FANCD2: variants seen among roughly 807,000 people sequenced by gnomAD.
The protein encoded by FANCD2 is FA complementation group D2.
In FANCD2, 131 loss-of-function variants were observed where a neutral mutation model predicts 192.3. That is an observed-to-expected ratio of 0.68 (90% CI 0.59 to 0.79). The LOEUF (loss-of-function observed/expected upper bound fraction) is 0.79. Among genes scored for constraint, FANCD2 ranks in the 30% least tolerant of loss-of-function variants. The probability of loss-of-function intolerance (pLI) is 0.00; values close to 1 mark genes in which losing one functional copy is unlikely to be tolerated. For missense variants in FANCD2, 1,508 were observed against 1,701.6 expected, an observed-to-expected ratio of 0.89 and a Z score of 2.00; for synonymous variants, 524 against 612.5, an observed-to-expected ratio of 0.86 and a Z score of 2.13.
chr3:10,034,707 T>A lies in FANCD2; in HGVS notation c.286T>A (p.Phe96Ile). 1 of 1,564,364 alleles carries A rather than the reference T, an allele frequency of 6.4e-7. No homozygotes were observed. Among genetic ancestry groups the A allele is most frequent in the East Asian group, 2.3e-5 (1 of 42,602 alleles). Residue 96 changes from phenylalanine (F) to isoleucine (I), a missense_variant, in exon 5 of 44, where the codon TTT (phenylalanine) becomes ATT (isoleucine). Around this residue, in one of 5 missense-constraint regions of FANCD2, gnomAD observed 435 missense variants for 421.9 expected, o/e 1.03. Coordinates refer to ENST00000675286, the MANE Select transcript of FANCD2 (RefSeq NM_001018115.3). Reference protein sequence around the residue: ...HPSYPKIIEEFVSGLESYIED... With the variant: ...HPSYPKIIEEIVSGLESYIED... ...AAATCTCCTTAAGATAATAGAAGAA[T>A]TTGTTAGTGGCCTGGAGTCTTACAT...
intron 30 of FANCD2, among the ~76,000 whole-genome samples, chr3:10,079,086 C>CA (rs906079528): frequency 8.6e-5 from 13 of 151,430 alleles, no homozygotes; most frequent in African/African-American, 2.7e-4. Flanking sequence ...ACTAAAAATA[C>CA]AAAAAAAATT....
rs568515612 is a variant in FANCD2, at chr3:10,090,359, C to A, written c.3751C>A (p.Pro1251Thr). The A allele has an allele frequency of 1.2e-6, 2 of 1,611,404 alleles. No homozygotes were observed. The highest frequency in any genetic ancestry group is 2.2e-5 in the South Asian group (2 of 91,032). Residue 1251 changes from proline (P) to threonine (T), a missense_variant, in exon 37 of 44, where the codon CCT (proline) becomes ACT (threonine). Physicochemically the swap from Pro to Thr is conservative, Grantham distance 38 (BLOSUM62 -1). Coordinates refer to ENST00000675286, the MANE Select transcript of FANCD2 (RefSeq NM_001018115.3). Reference sequence around the variant, plus strand: ...AGAGAAGACGGTGAAAAAAATTGAGCCTGGCACAGCAGCAGACTCGCAGCA... The same window carrying A: ...AGAGAAGACGGTGAAAAAAATTGAGACTGGCACAGCAGCAGACTCGCAGCA... ...ELEKTVKKIE[P>T]GTAADSQQIH...
Position 10,049,432 on chromosome 3 carries a change from C to G in FANCD2, c.1472C>G (p.Thr491Ser). 4 of 1,611,830 alleles carry G rather than the reference C, an allele frequency of 2.5e-6. No homozygotes were observed. The highest frequency in any genetic ancestry group is 1.7e-5 in the Admixed American group (1 of 59,934). ...ICSGNEAEVDTALDVLLELVV... is the reference protein window; with the variant it reads ...ICSGNEAEVDSALDVLLELVV... The stretch of plus-strand genomic sequence containing the variant: ...AGTGGGAATGAAGCTGAAGTTGATA[C>G]TGCCTTAGATGTCCTTCTAGAGTTG... The change falls in exon 17 of 44, where the codon ACT becomes AGT. Residue 491 changes from threonine to serine, a missense_variant. By Grantham distance (58) the Thr-to-Ser change is moderately conservative. Coordinates refer to ENST00000675286, the MANE Select transcript of FANCD2 (RefSeq NM_001018115.3).
At position 10,092,234 on chromosome 3, in the gene FANCD2, C is replaced by T; in HGVS notation, c.3831C>T (p.Ile1277=). The stretch of plus-strand genomic sequence containing the variant: ...ACATGGCTGTTCGAGACTTCAGTAT[C>T]CTCATCAACTTGATAAAGGTGAGTA... ...YWNMAVRDFS[I]LINLIKVFDS... Residue 1277 remains isoleucine, a synonymous_variant, in exon 38 of 44, where the codon ATC becomes ATT. Transcript: ENST00000675286. The T allele has an allele frequency of 1.7e-5, 27 of 1,613,388 alleles. No individual in the cohort carries two copies. The highest frequency in any genetic ancestry group is 2.3e-5 in the Non-Finnish European group (27 of 1,179,366).
chr3:10,054,358 T>C (rs1307276150), intron 18 of FANCD2, among the ~76,000 whole-genome samples: 3 of 123,928 alleles, frequency 2.4e-5, no homozygotes, highest in African/African-American at 1.1e-4. Context: ...TATACGTATA[T>C]ATATATATAC....
At chr3:10,067,080 A>G (rs911396529) in intron 25 of FANCD2, 129 bp from the exon 26 acceptor site, 1 of 705,428 alleles carries the variant, frequency 1.4e-6, no homozygotes, top group Non-Finnish European at 2.5e-6. Context: ...GTTGTTGAGG[A>G]CAGTTCTATT....
chr3:10,067,398 A>G (rs2087751082), intron 26 of FANCD2, 81 bp downstream of exon 26: 3 of 822,886 alleles, frequency 3.6e-6, no homozygotes, highest in Non-Finnish European at 6.3e-6. Flanking sequence ...TGATACCAAA[A>G]CCAGACAAAG....
At position 10,089,921 on chromosome 3, in the gene FANCD2, C is replaced by T. The variant is rs143306443; in HGVS notation, c.3684-371C>T. On this transcript the variant is annotated intron_variant, in intron 36 of 43. Transcript: ENST00000675286. ...ATCTCATTTGATCCTTTTGATAATT[C>T]TGTGAGGTTGGTATCATTGCCCCTA... Among the ~76,000 whole-genome samples, 146 of 152,280 alleles carry T rather than the reference C, an allele frequency of 9.6e-4. 1 individual carries two copies. The highest frequency in any genetic ancestry group is 3.4e-3 in the Middle Eastern group (1 of 294).
intron 5 of FANCD2, 71 bp from the exon 6 acceptor site, chr3:10,035,102 T>C (rs2086696273): frequency 7.6e-6 from 10 of 1,315,336 alleles, no homozygotes. Flanking sequence ...ACCAATTTTA[T>C]TGAGAAAAGA....
Position 10,028,612 on chromosome 3 carries a change from G to C in FANCD2, c.-33-13G>C. 1 of 1,550,458 alleles carries C rather than the reference G, an allele frequency of 6.4e-7. No individual in the cohort carries two copies. The highest frequency in any genetic ancestry group is 8.9e-7 in the Non-Finnish European group (1 of 1,122,248). Reference sequence around the variant, plus strand: ...TTCTAGAGGGTAACTTCTGTTTCCCGATTTTGCTCTAGGAAGTAATTTAAG... The same window carrying C: ...TTCTAGAGGGTAACTTCTGTTTCCCCATTTTGCTCTAGGAAGTAATTTAAG... On this transcript the variant is annotated splice_polypyrimidine_tract_variant and intron_variant, in intron 1 of 43. Transcript: ENST00000675286.
intron 7 of FANCD2, 86 bp downstream of exon 7, chr3:10,036,425 C>T (rs957526896): frequency 9.9e-6 from 10 of 1,009,768 alleles, no homozygotes; most frequent in Non-Finnish European, 1.6e-5. Context: ...CTATTGGTTT[C>T]TCTGAAAGTC....
At chr3:10,089,655 A>T (rs995261784) in intron 36 of FANCD2, among the ~76,000 whole-genome samples, 2 of 152,080 alleles carry the variant, frequency 1.3e-5, no homozygotes, top group African/African-American at 4.8e-5. Context: ...TTTTTAGTAG[A>T]GATTGGGTTT....
At chr3:10,054,215 A>G (rs1274024619) in intron 18 of FANCD2, among the ~76,000 whole-genome samples, 1 of 150,662 alleles carries the variant, frequency 6.6e-6, no homozygotes, top group East Asian at 1.9e-4. Context: ...CTATCTCAAA[A>G]TAAATAAATA....
intron 43 of FANCD2, among the ~76,000 whole-genome samples, chr3:10,100,744 A>G (rs913434635): frequency 1.3e-5 from 2 of 152,278 alleles, no homozygotes; most frequent in South Asian, 2.1e-4. Context: ...ATATACATGC[A>G]GTAGAGCTGG....
chr3:10,045,044 AT>A (rs1160866580), intron 14 of FANCD2, among the ~76,000 whole-genome samples: 1 of 132,950 alleles, frequency 7.5e-6, no homozygotes, highest in Non-Finnish European at 1.6e-5. Context: ...AAGTAGTAAA[AT>A]TTTTTTTGTT....
At chr3:10,042,397 A>T (rs781443140) in intron 10 of FANCD2, among the ~76,000 whole-genome samples, 162 bp from the exon 11 acceptor site, 2 of 152,248 alleles carry the variant, frequency 1.3e-5, no homozygotes, top group Non-Finnish European at 2.9e-5. Context: ...CAACTAAAAG[A>T]TTCTAATTTG....
chr3:10,052,702 C>T (rs1286949174), intron 18 of FANCD2, among the ~76,000 whole-genome samples: 3 of 151,928 alleles, frequency 2.0e-5, no homozygotes, highest in African/African-American at 7.3e-5. Flanking sequence ...TATTCTCCAT[C>T]AAAAAGTGGG....
At position 10,036,086 on chromosome 3, in the gene FANCD2, C is replaced by CTTT. The variant is rs532765216; in HGVS notation, c.439-184_439-182dup. The stretch of plus-strand genomic sequence containing the variant: ...TAGTTGGAAAGAGAATTATACATTT[C>CTTT]TTTTTTTTTTTTTTTTTTTGAGTCA... On this transcript the variant is annotated intron_variant, in intron 6 of 43. Transcript: ENST00000675286. Among the ~76,000 whole-genome samples the CTTT allele has an allele frequency of 5.1e-4, 52 of 102,584 alleles. 5 individuals carry two copies. Among genetic ancestry groups the CTTT allele is most frequent in the African/African-American group, 1.7e-3 (40 of 23,988 alleles). 67.3% of individuals were successfully genotyped at this position (102,584 alleles called of 152,430 possible).
At chr3:10,039,495 T>A (rs984726184) in intron 8 of FANCD2, 138 bp downstream of exon 8, 5 of 953,818 alleles carry the variant, frequency 5.2e-6, no homozygotes, top group African/African-American at 1.7e-5. Flanking sequence ...TTTCATAATT[T>A]GAGAATCATA....
Sources: allele counts gnomAD v4.1 joint callset (sites outside exome capture counted in the v4.1 genomes callset), GRCh38; gene constraint gnomAD v4.1.1; regional missense constraint gnomAD v4.1.1; transcripts MANE v1.5; gene names NCBI Gene and HGNC (gene_info 2026-07-23, HGNC 2026-07-21).